The following TNNI3K variants were observed in gnomAD, a reference collection of about 807,000 sequenced individuals.
TNNI3K encodes TNNI3 interacting kinase, also known as serine/threonine-protein kinase TNNI3K.
Under a neutral mutation model 114.5 loss-of-function variants are expected in TNNI3K, and 140 were observed. That is an observed-to-expected ratio of 1.22 (90% CI 1.07 to 1.41). The LOEUF (loss-of-function observed/expected upper bound fraction) is 1.41. Ranked by LOEUF, TNNI3K falls within the 40% of genes most tolerant of loss-of-function variation. The pLI is 0.00. For synonymous variants in TNNI3K, 347 were observed against 347.5 expected (o/e 1.00, Z 0.02); for missense variants, 1,125 against 1,007.6 (o/e 1.12, Z -1.58).
At chr1:74,491,462 G>A (rs560152378) in intron 22 of TNNI3K, among the ~76,000 whole-genome samples, 9 of 152,152 alleles carry the variant, frequency 5.9e-5, no homozygotes, top group Middle Eastern at 3.4e-3. Context: ...GGATGGTGTC[G>A]ATCTCTTGAC....
intron 17 of TNNI3K, among the ~76,000 whole-genome samples, chr1:74,383,168 T>C (rs45444291): frequency 1.3e-3 from 198 of 152,240 alleles, no homozygotes; most frequent in African/African-American, 4.6e-3. Context: ...CATTTAGCAT[T>C]GAACTTTTAT....
chr1:74,401,687 A>G lies in TNNI3K; in HGVS notation c.1772+31295A>G, dbSNP rs45442192. Among the ~76,000 whole-genome samples, 621 of 152,356 alleles carry G rather than the reference A, an allele frequency of 4.1e-3. 6 individuals are homozygous for G. The highest frequency in any genetic ancestry group is 0.014 in the African/African-American group (583 of 41,594). ...CATTAGGAGGTTAAGAGAGATAATA[A>G]CAGCTTAACACAGAGAAAATAACAG... is the stretch of plus-strand genomic sequence containing the variant. On this transcript the variant is annotated intron_variant, in intron 17 of 24. Coordinates refer to ENST00000326637, the MANE Select transcript of TNNI3K (RefSeq NM_015978.3).
intron 19 of TNNI3K, 32 bp from the exon 20 acceptor site, chr1:74,439,458 T>C (rs766689969): frequency 1.2e-6 from 2 of 1,602,158 alleles, no homozygotes; most frequent in African/African-American, 2.7e-5. Flanking sequence ...AAACACTTGG[T>C]AAATGGCTTG....
intron 5 of TNNI3K, among the ~76,000 whole-genome samples, chr1:74,324,914 T>C (rs899620486): frequency 6.6e-6 from 1 of 151,978 alleles, no homozygotes; most frequent in Non-Finnish European, 1.5e-5. Context: ...GCAAGCCAAG[T>C]AGATTATTGT....
chr1:74,267,618 G>A (rs1656080182), intron 4 of TNNI3K, among the ~76,000 whole-genome samples: 1 of 151,930 alleles, frequency 6.6e-6, no homozygotes, highest in South Asian at 2.1e-4. Flanking sequence ...CATGGAAGTT[G>A]GCTCATAGTA....
At chr1:74,513,630 A>G (rs1646301660) in intron 23 of TNNI3K, among the ~76,000 whole-genome samples, 1 of 152,242 alleles carries the variant, frequency 6.6e-6, no homozygotes, top group South Asian at 2.1e-4. Flanking sequence ...AATGTTTAAC[A>G]TCTTGTCACT....
chr1:74,515,146 A>G (rs962361394), intron 23 of TNNI3K, among the ~76,000 whole-genome samples: 5 of 152,082 alleles, frequency 3.3e-5, no homozygotes, highest in Non-Finnish European at 4.4e-5. Flanking sequence ...AACCTGCATA[A>G]CAGTGAAAGA....
At chr1:74,378,750 C>G (rs981948310) in intron 17 of TNNI3K, 1 of 150,578 alleles carries the variant, frequency 6.6e-6, no homozygotes, top group Non-Finnish European at 1.5e-5. Flanking sequence ...ACAGTCAGCT[C>G]TGTCTTGGTG....
chr1:74,483,142 T>C, intron 21 of TNNI3K: 1 of 577,424 alleles, frequency 1.7e-6, no homozygotes, highest in Non-Finnish European at 3.2e-6. Flanking sequence ...GTATGAAGTG[T>C]ACTCATTAAA....
intron 23 of TNNI3K, among the ~76,000 whole-genome samples, chr1:74,527,669 A>G (rs981134036): frequency 6.6e-6 from 1 of 152,126 alleles, no homozygotes; most frequent in Admixed American, 6.5e-5. Flanking sequence ...GTTGATCTAC[A>G]TGTGTTGGGC....
chr1:74,357,813 G>C (rs1252942984), intron 11 of TNNI3K, among the ~76,000 whole-genome samples: 1 of 152,058 alleles, frequency 6.6e-6, no homozygotes, highest in African/African-American at 2.4e-5. Context: ...CAATCTGAAA[G>C]TGTAGCGATC....
chr1:74,280,835 C>G (rs1247528936), intron 5 of TNNI3K, among the ~76,000 whole-genome samples: 1 of 152,076 alleles, frequency 6.6e-6, no homozygotes, highest in Non-Finnish European at 1.5e-5. Flanking sequence ...CCCAGTGAGA[C>G]ACCAGCGGTG....
intron 23 of TNNI3K, among the ~76,000 whole-genome samples, chr1:74,538,508 A>G (rs1313852725): frequency 1.3e-5 from 2 of 152,172 alleles, no homozygotes; most frequent in Admixed American, 1.3e-4. Context: ...CATTGTGTGG[A>G]AAGAATATGG....
intron 5 of TNNI3K, among the ~76,000 whole-genome samples, chr1:74,308,466 A>G (rs1356546462): frequency 2.6e-5 from 4 of 152,260 alleles, no homozygotes; most frequent in Non-Finnish European, 5.9e-5. Context: ...GAAACAATGA[A>G]AAGACTCACA....
Position 74,353,918 on chromosome 1 carries a change from G to T in TNNI3K, c.1028-62G>T, listed in dbSNP as rs532634768. 1.9e-6 allele frequency: 3 copies of T among 1,550,552 alleles called. No individual in the cohort carries two copies. The African/African-American group carries it at 4.1e-5, about 21-fold the overall frequency. ...TATTATGTGGTGATGACTGTCTTTTGAAAATTGGGGAGCAGTTTTTCTTTT... is the reference window on the plus strand; with the variant it reads ...TATTATGTGGTGATGACTGTCTTTTTAAAATTGGGGAGCAGTTTTTCTTTT... On this transcript the variant is annotated intron_variant, in intron 10 of 24. Transcript: ENST00000326637.
intron 5 of TNNI3K, among the ~76,000 whole-genome samples, chr1:74,294,870 C>A (rs1657887584): frequency 6.6e-6 from 1 of 151,626 alleles, no homozygotes; most frequent in African/African-American, 2.4e-5. Context: ...ATTTTTTTTA[C>A]TCAATTTCAT....
intron 4 of TNNI3K, among the ~76,000 whole-genome samples, chr1:74,269,001 A>T (rs1348977261): frequency 6.6e-6 from 1 of 151,868 alleles, no homozygotes; most frequent in Non-Finnish European, 1.5e-5. Context: ...CATTTACTCA[A>T]CATTGGCCTT....
At chr1:74,321,881 T>A (rs1480751226) in intron 5 of TNNI3K, among the ~76,000 whole-genome samples, 3 of 152,070 alleles carry the variant, frequency 2.0e-5, no homozygotes, top group Non-Finnish European at 4.4e-5. Context: ...ACAAAAATAT[T>A]CAACCAATGT....
At chr1:74,451,035 G>A (rs1017402169) in intron 20 of TNNI3K, among the ~76,000 whole-genome samples, 5 of 152,216 alleles carry the variant, frequency 3.3e-5, no homozygotes, top group Admixed American at 2.6e-4. Context: ...TAAGGAAAAT[G>A]TGGTACATAT....
Sources: allele counts gnomAD v4.1 joint callset (sites outside exome capture counted in the v4.1 genomes callset), GRCh38; gene constraint gnomAD v4.1.1; transcripts MANE v1.5; gene names NCBI Gene and HGNC (gene_info 2026-07-23, HGNC 2026-07-21).